Variants in ZC3H13 observed in about 807,000 individuals in gnomAD.
ZC3H13 encodes zinc finger CCCH domain-containing protein 13.
In ZC3H13, 64 loss-of-function variants were observed where a neutral mutation model predicts 204.1. The ratio of observed to expected loss-of-function variants is 0.31; its 90% CI spans 0.26 to 0.39. ZC3H13 has a LOEUF of 0.39. ZC3H13 is among the 10% of genes least tolerant of loss of function. The probability of loss-of-function intolerance (pLI) is 1.00; values close to 1 mark genes in which losing one functional copy is unlikely to be tolerated. For missense variants in ZC3H13, 1,833 were observed against 2,082.7 expected, an observed-to-expected ratio of 0.88 and a Z score of 2.33; for synonymous variants, 667 against 693.7, an observed-to-expected ratio of 0.96 and a Z score of 0.60.
rs1566123496 is a variant in ZC3H13, at chr13:45,955,074, G to A, written c.*2053C>T. ...TTACCAGCAGCTGGAATCCAGTTGT[G>A]CAATTATGGCAACTGGACAGACCTG... On this transcript the variant is annotated 3_prime_UTR_variant, in exon 19 of 19. Transcript: ENST00000679008. 6.6e-6 allele frequency: 1 copy of A among 152,122 alleles called. No individual in the cohort carries two copies. Among genetic ancestry groups the A allele is most frequent in the African/African-American group, 2.4e-5 (1 of 41,418 alleles). 9.4% of individuals were successfully genotyped at this position (152,122 alleles called of 1,614,324 possible).
Position 46,010,523 on chromosome 13 carries a change from A to G in ZC3H13, c.589-18T>C, listed in dbSNP as rs775885426. 8 of 1,597,874 alleles carry G rather than the reference A, an allele frequency of 5.0e-6. No homozygotes were observed. Among genetic ancestry groups the G allele is most frequent in the South Asian group, 1.1e-5 (1 of 90,324 alleles). On this transcript the variant is annotated intron_variant, in intron 6 of 18. Coordinates refer to ENST00000679008, the MANE Select transcript of ZC3H13 (RefSeq NM_001330564.2). Reference sequence around the variant, plus strand: ...GGTGAAACCTTTAAAAAAATTCAGTAAGTCAATTCAGAAATTCCTCCACTT... The same window carrying G: ...GGTGAAACCTTTAAAAAAATTCAGTGAGTCAATTCAGAAATTCCTCCACTT...
At chr13:45,997,100 T>C (rs1026485434) in intron 8 of ZC3H13, among the ~76,000 whole-genome samples, 2 of 152,222 alleles carry the variant, frequency 1.3e-5, no homozygotes, top group Non-Finnish European at 2.9e-5. Flanking sequence ...TAAGGCTTTT[T>C]CTCTGCGTAA....
Position 46,039,043 on chromosome 13 carries a change from A to G in ZC3H13, c.339+3121T>C, listed in dbSNP as rs369638864. Among the ~76,000 whole-genome samples, 20 of 152,156 alleles carry G rather than the reference A, an allele frequency of 1.3e-4. 1 individual carries two copies. Among genetic ancestry groups the G allele is most frequent in the East Asian group, 5.8e-4 (3 of 5,174 alleles). On this transcript the variant is annotated intron_variant, in intron 4 of 18. Coordinates refer to ENST00000679008, the MANE Select transcript of ZC3H13 (RefSeq NM_001330564.2). ...TCTCAAAAGAATACTAATAAATAATAATTAATATCCTGGTGTCCCAGGTTA... is the reference window on the plus strand; with the variant it reads ...TCTCAAAAGAATACTAATAAATAATGATTAATATCCTGGTGTCCCAGGTTA...
At chr13:45,962,867 G>T in intron 17 of ZC3H13, 1 of 985,048 alleles carries the variant, frequency 1.0e-6, no homozygotes, top group Non-Finnish European at 1.2e-6. Flanking sequence ...TAAAGTATTA[G>T]TAAGTTGCAA....
In ZC3H13 at chr13:45,959,599, C is replaced by G; in HGVS notation, c.4723G>C (p.Ala1575Pro). Residue 1575 changes from alanine (A) to proline (P), a missense_variant, in exon 18 of 19, where the codon GCA (alanine) becomes CCA (proline). Coordinates refer to ENST00000679008, the MANE Select transcript of ZC3H13 (RefSeq NM_001330564.2). The stretch of plus-strand genomic sequence containing the variant: ...GCTCTTTCTTCTTTTCGTAGTAATG[C>G]AGCCATATTGAGAGCCCCCAATTCA... The part of the protein sequence containing the change: ...EHELGALNMA[A>P]LLRKEERASL... The G allele has an allele frequency of 1.3e-6, 2 of 1,547,932 alleles. No homozygotes were observed. Among genetic ancestry groups the G allele is most frequent in the Non-Finnish European group, 1.7e-6 (2 of 1,145,862 alleles).
intron 1 of ZC3H13, among the ~76,000 whole-genome samples, chr13:46,051,634 A>T (rs571705555): frequency 1.2e-4 from 19 of 152,296 alleles, no homozygotes; most frequent in Non-Finnish European, 2.6e-4. Flanking sequence ...TGAGGTGTAA[A>T]GATGTTTTCC....
chr13:45,967,898 T>A lies in ZC3H13; in HGVS notation c.3927A>T (p.Arg1309Ser), dbSNP rs1952229343. The A allele has an allele frequency of 6.2e-7, 1 of 1,613,952 alleles. No homozygotes were observed. Among genetic ancestry groups the A allele is most frequent in the Admixed American group, 1.7e-5 (1 of 59,984 alleles). ...TATCTCTCCTCTCTCTCTCGCGCTC[T>A]CTGTCGTGTTCATATCGATCTCGTT... ...LQERDRYEHD[R>S]ERERERRDTR... Residue 1309 changes from arginine (R) to serine (S), a missense_variant, in exon 15 of 19, where the codon AGA (arginine) becomes AGT (serine). Arg to Ser is a moderately radical substitution (Grantham distance 110, BLOSUM62 -1). Coordinates refer to ENST00000679008, the MANE Select transcript of ZC3H13 (RefSeq NM_001330564.2).
At chr13:45,966,575 T>C (rs544583608) in intron 15 of ZC3H13, among the ~76,000 whole-genome samples, 16 of 152,286 alleles carry the variant, frequency 1.1e-4, no homozygotes, top group Admixed American at 3.3e-4. Flanking sequence ...AAATTATATA[T>C]TTTAGAGATG....
chr13:45,986,136 T>G (rs1312481348), intron 9 of ZC3H13, among the ~76,000 whole-genome samples: 2 of 152,258 alleles, frequency 1.3e-5, no homozygotes, highest in African/African-American at 2.4e-5. Flanking sequence ...TAAGTTAGGC[T>G]AAACTAGACC....
chr13:45,985,840 C>A, intron 9 of ZC3H13, 79 bp from the exon 10 acceptor site: 1 of 1,295,074 alleles, frequency 7.7e-7, no homozygotes, highest in Non-Finnish European at 1.0e-6. Context: ...TAATACAGAA[C>A]TTTAAAAATT....
chr13:45,978,054 CTCTCCCTG>C (rs1363344026), intron 11 of ZC3H13, among the ~76,000 whole-genome samples: 1 of 152,126 alleles, frequency 6.6e-6, no homozygotes, highest in East Asian at 1.9e-4. Flanking sequence ...ATGCTGCACC[CTCTCCCTG>C]TAAAGTGCTC....
intron 6 of ZC3H13, 51 bp downstream of exon 6, chr13:46,011,364 T>C (rs1056312316): frequency 1.3e-6 from 2 of 1,527,016 alleles, no homozygotes; most frequent in Non-Finnish European, 1.8e-6. Flanking sequence ...ATCTGATCAA[T>C]ACAAATGCTG....
At chr13:45,961,250 A>G (rs780812149) in intron 17 of ZC3H13, among the ~76,000 whole-genome samples, 1 of 152,134 alleles carries the variant, frequency 6.6e-6, no homozygotes, top group Non-Finnish European at 1.5e-5. Flanking sequence ...CAGATATAAT[A>G]TAAAAGAAAT....
At chr13:45,985,868 C>T (rs919951990) in intron 9 of ZC3H13, 107 bp from the exon 10 acceptor site, 33 of 1,041,058 alleles carry the variant, frequency 3.2e-5, no homozygotes, top group Admixed American at 6.0e-5. Flanking sequence ...AATGACAATT[C>T]GTGTTCTTTG....
chr13:46,021,099 C>T (rs970366399), intron 4 of ZC3H13, among the ~76,000 whole-genome samples: 9 of 151,912 alleles, frequency 5.9e-5, no homozygotes, highest in Admixed American at 3.3e-4. Flanking sequence ...TTGTCATTTT[C>T]CTAGACACCC....
intron 18 of ZC3H13, 23 bp from the exon 19 acceptor site, chr13:45,957,320 A>G: frequency 6.9e-7 from 1 of 1,458,916 alleles, no homozygotes; most frequent in Non-Finnish European, 9.1e-7. Flanking sequence ...AACAAAAACA[A>G]ACTTTAAAAA....
At chr13:45,963,781 C>T (rs775049796) in intron 17 of ZC3H13, 61 bp downstream of exon 17, 16 of 1,605,238 alleles carry the variant, frequency 1.0e-5, no homozygotes, top group Non-Finnish European at 1.2e-5. Flanking sequence ...ATCAGAATCC[C>T]CTTCAGATGG....
intron 5 of ZC3H13, among the ~76,000 whole-genome samples, chr13:46,018,163 G>A (rs1419889795): frequency 2.8e-5 from 4 of 141,410 alleles, no homozygotes; most frequent in African/African-American, 1.1e-4. Context: ...CAAGAAAACA[G>A]GAGCTCTTGA....
rs559137834 is a variant in ZC3H13 at position 45,991,294 on chromosome 13, G to A, written c.945-2197C>T. The stretch of plus-strand genomic sequence containing the variant: ...TACTACCTTTAAAAAACACATTAGG[G>A]TCCAATCATGTTTCTATTCAACTTG... On this transcript the variant is annotated intron_variant, in intron 8 of 18. Transcript: ENST00000679008. Among the ~76,000 whole-genome samples the A allele has an allele frequency of 5.3e-5, 8 of 152,180 alleles. No individual in the cohort carries two copies. In the South Asian group the frequency reaches 1.7e-3, roughly 32 times the overall value.
Sources: gnomAD v4.1 joint callset for allele counts (sites outside exome capture counted in the v4.1 genomes callset) on GRCh38, gnomAD v4.1.1 for gene constraint, MANE v1.5 for transcripts, NCBI Gene and HGNC (gene_info 2026-07-23, HGNC 2026-07-21) for gene names.